Variants in INF2 observed in about 807,000 individuals in gnomAD.
INF2 encodes inverted formin-2.
Under a neutral mutation model 123.5 loss-of-function variants are expected in INF2, and 43 were observed. The observed-to-expected ratio is 0.35, with a 90% CI of 0.27 to 0.45. The LOEUF is 0.45. Ranked by LOEUF, INF2 falls within the 20% of genes least tolerant of loss-of-function variation. The pLI is 1.00. For synonymous variants in INF2, 851 were observed against 745.0 expected (o/e 1.14, Z -2.32); for missense variants, 1,453 against 1,682.7 (o/e 0.86, Z 2.39).
rs201715539 is a variant in INF2 at position 104,714,725 on chromosome 14, C to T, written c.3563C>T (p.Ser1188Phe). Reference sequence around the variant, plus strand: ...GCCCCAGAGTCCGCACTGGACACATCCCTGGACAAGTCCTTCTCCGAGGAT... The same window carrying T: ...GCCCCAGAGTCCGCACTGGACACATTCCTGGACAAGTCCTTCTCCGAGGAT... ...DTAPESALDTSLDKSFSEDAV... is the reference protein window; with the variant it reads ...DTAPESALDTFLDKSFSEDAV... Residue 1188 changes from serine to phenylalanine, a missense_variant, in exon 21 of 23, where the codon TCC becomes TTC. This residue lies in a region of INF2 where 344 missense variants were observed against 333.1 expected (regional missense o/e 1.03). Transcript: ENST00000392634. 512 of 1,606,362 alleles carry T rather than the reference C, an allele frequency of 3.2e-4. 1 individual carries two copies. The highest frequency in any genetic ancestry group is 4.1e-4 in the Non-Finnish European group (480 of 1,176,034).
At chr14:104,683,385 T>A (rs556720581) in intron 1 of INF2, among the ~76,000 whole-genome samples, 8 of 92,064 alleles carry the variant, frequency 8.7e-5, no homozygotes, top group African/African-American at 4.4e-4. Context: ...GGTGCCTGGG[T>A]CCCCCACCAG....
rs77547302 is a variant in INF2, at chr14:104,713,967, T to C, written c.3041-236T>C. Among the ~76,000 whole-genome samples the C allele has an allele frequency of 1.0e-3, 153 of 152,290 alleles. 1 individual carries two copies. In the East Asian group the frequency reaches 0.029, roughly 29 times the overall value. ...CAAGGCCCTGGTGGGAGGACCCCAT[T>C]CCTGGGGTGGCTGCCTCAGGGTGCT... On this transcript the variant is annotated intron_variant, in intron 20 of 22. Coordinates refer to ENST00000392634, the MANE Select transcript of INF2 (RefSeq NM_022489.4).
chr14:104,692,337 C>A (rs925577064), intron 1 of INF2, among the ~76,000 whole-genome samples: 1 of 152,244 alleles, frequency 6.6e-6, no homozygotes, highest in Non-Finnish European at 1.5e-5. Flanking sequence ...CTGATAAAGC[C>A]CCTACTGTGT....
At chr14:104,686,467 C>T (rs533837592), upstream of INF2, among the ~76,000 whole-genome samples, 12 of 151,426 alleles carry the variant, frequency 7.9e-5, no homozygotes, top group Admixed American at 2.0e-4. Flanking sequence ...GGTGAACAGA[C>T]GGATGAAGTG....
In INF2 at chr14:104,684,144, T is replaced by C. The variant is rs1309081230; in HGVS notation, c.-104+2562T>C. The C allele has an allele frequency of 8.8e-6, 4 of 455,616 alleles. No individual in the cohort carries two copies. The highest frequency in any genetic ancestry group is 8.0e-5 in the African/African-American group (4 of 50,010). The allele number at this position is 455,616 out of a possible 1,614,324, so 28.2% of individuals were successfully genotyped here. A position where few individuals can be genotyped will look rare whatever the true frequency, so the allele number is the denominator to read the frequency against. ...CAAAGCTGAGCGGCTCTCCCCATCA[T>C]GCAAGTAACCTGCGTGCCGCCACGG... On this transcript the variant is annotated intron_variant, in intron 1 of 2. Coordinates refer to the INF2 transcript ENST00000674723. This position sits in a 1 kb window ranked among gnomAD's most constrained non-coding sequence, Gnocchi z 5.0.
chr14:104,715,504 C>T (rs896472366), intron 22 of INF2, among the ~76,000 whole-genome samples, 164 bp downstream of exon 22: 1 of 152,196 alleles, frequency 6.6e-6, no homozygotes, highest in Non-Finnish European at 1.5e-5. Context: ...GGTGGGCTTC[C>T]CGCCCCATCC....
chr14:104,694,912 G>A (rs1889115752), intron 1 of INF2, among the ~76,000 whole-genome samples: 3 of 152,178 alleles, frequency 2.0e-5, no homozygotes, highest in Non-Finnish European at 4.4e-5. Flanking sequence ...TAGGCACACA[G>A]CAATCAGGAC....
Position 104,681,403 on chromosome 14 carries a change from G to A in INF2, c.-283G>A, listed in dbSNP as rs969901778. 71 of 475,854 alleles carry A rather than the reference G, an allele frequency of 1.5e-4. 1 individual carries two copies. The highest frequency in any genetic ancestry group is 1.2e-3 in the African/African-American group (60 of 50,528). The allele number at this position is 475,854 out of a possible 1,614,324, so 29.5% of individuals were successfully genotyped here. A position where few individuals can be genotyped will look rare whatever the true frequency, so the allele number is the denominator to read the frequency against. On this transcript the variant is annotated 5_prime_UTR_variant, in exon 1 of 3. Coordinates refer to the INF2 transcript ENST00000674723. ...CCCTCACCTTGGGGACCTTGGACAC[G>A]GAGCTGGTTATGTCACATCTGGCTC...
Position 104,715,299 on chromosome 14 carries a change from CTGA to C in INF2, c.3715_3717del (p.Asp1239del), listed in dbSNP as rs1236644699. 1.2e-6 allele frequency: 2 copies of C among 1,613,680 alleles called. No individual in the cohort carries two copies. The highest frequency in any genetic ancestry group is 2.2e-5 in the East Asian group (1 of 44,882). On this transcript the variant is annotated inframe_deletion, in exon 22 of 23. Coordinates refer to ENST00000392634, the MANE Select transcript of INF2 (RefSeq NM_022489.4). ...TTGGAAGCAGAGGTTCCCCCTGATT[CTGA>C]TGATAATAAAACAAAGAAACTGTGT... is the stretch of plus-strand genomic sequence containing the variant.
chr14:104,683,204 G>A (rs890243501), intron 1 of INF2, among the ~76,000 whole-genome samples: 7 of 152,072 alleles, frequency 4.6e-5, no homozygotes, highest in Non-Finnish European at 8.8e-5. Context: ...AGGGGTGGAG[G>A]GGAGGAGGGG....
intron 17 of INF2, 130 bp from the exon 18 acceptor site, chr14:104,712,698 T>G: frequency 6.7e-7 from 1 of 1,483,492 alleles, no homozygotes; most frequent in Non-Finnish European, 9.1e-7. Context: ...CACAGGCCCC[T>G]GCTCCTTGTC....
chr14:104,708,781 A>G (rs942538725), intron 10 of INF2, 49 bp downstream of exon 10: 2 of 1,587,758 alleles, frequency 1.3e-6, no homozygotes, highest in Non-Finnish European at 1.7e-6. Context: ...CCTCGCCTCC[A>G]CCTGAGCCTT....
At chr14:104,710,680 C>T in intron 13 of INF2, 1 of 566,414 alleles carries the variant, frequency 1.8e-6, no homozygotes, top group South Asian at 2.2e-5. Flanking sequence ...CCTGCCACAG[C>T]CACTGGGCAG....
At chr14:104,701,822 A>C (rs923997186) in intron 2 of INF2, 66 bp downstream of exon 2, 12 of 1,426,232 alleles carry the variant, frequency 8.4e-6, no homozygotes, top group South Asian at 1.5e-5. Context: ...CTTCAGGCCC[A>C]AAAGGCCCCG....
chr14:104,706,080 G>A lies in INF2; in HGVS notation c.747G>A (p.Glu249=). 4 of 1,612,646 alleles carry A rather than the reference G, an allele frequency of 2.5e-6. No individual in the cohort carries two copies. Among genetic ancestry groups the A allele is most frequent in the Non-Finnish European group, 3.4e-6 (4 of 1,179,744 alleles). Residue 249 remains glutamate, a synonymous_variant, in exon 6 of 23, where the codon GAG becomes GAA. Transcript: ENST00000392634. ...ADLLIQLEAF[E]EAKAEDEEEL... Reference sequence around the variant, plus strand: ...TGCTGATCCAGCTGGAGGCTTTCGAGGAGGCTAAGGCCGAGGACGAGGAGG... The same window carrying A: ...TGCTGATCCAGCTGGAGGCTTTCGAAGAGGCTAAGGCCGAGGACGAGGAGG...
upstream of INF2, among the ~76,000 whole-genome samples, chr14:104,687,813 C>A (rs982041314): frequency 6.6e-6 from 1 of 152,232 alleles, no homozygotes; most frequent in Non-Finnish European, 1.5e-5. The surrounding 1 kb of genome is among the most constrained non-coding windows in gnomAD (Gnocchi z 5.6). Context: ...TTCCCCCAGG[C>A]AGGTGGACAG....
At chr14:104,694,371 C>T (rs1027427779) in intron 1 of INF2, among the ~76,000 whole-genome samples, 16 of 152,250 alleles carry the variant, frequency 1.1e-4, no homozygotes, top group African/African-American at 3.9e-4. Context: ...CCAGTTGGGC[C>T]TGACGGGCTC....
At chr14:104,708,111 C>A in intron 8 of INF2, 109 bp downstream of exon 8, 2 of 1,524,958 alleles carry the variant, frequency 1.3e-6, no homozygotes, top group Non-Finnish European at 1.8e-6. Flanking sequence ...CCTGCCCGTG[C>A]GTGGCCAGGG....
In INF2 at chr14:104,706,113, G is replaced by T. The variant is rs1386045047; in HGVS notation, c.780G>T (p.Leu260=). The T allele has an allele frequency of 1.9e-6, 3 of 1,612,000 alleles. No homozygotes were observed. In the South Asian group the frequency reaches 3.3e-5, roughly 18 times the overall value. The change falls in exon 6 of 23, where the codon CTG becomes CTT. Residue 260 remains leucine (L), a synonymous_variant. Transcript: ENST00000392634. The part of the protein sequence containing the change: ...EAKAEDEEEL[L]RVSGGVDMSS... ...AGGCCGAGGACGAGGAGGAGCTGCTGCGAGTCTCTGGCGGGGTCGACATGA... is the reference window on the plus strand; with the variant it reads ...AGGCCGAGGACGAGGAGGAGCTGCTTCGAGTCTCTGGCGGGGTCGACATGA...
Sources: gnomAD v4.1 joint callset for allele counts (sites outside exome capture counted in the v4.1 genomes callset) on GRCh38, gnomAD v4.1.1 for gene constraint, gnomAD v4.1.1 regional missense constraint, Gnocchi (gnomAD v3.1) non-coding constraint, MANE v1.5 for transcripts, NCBI Gene and HGNC (gene_info 2026-07-23, HGNC 2026-07-21) for gene names.